The following SAMMSON variants were observed in gnomAD, a reference collection of about 807,000 sequenced individuals.
The protein encoded by SAMMSON is survival associated mitochondrial melanoma specific oncogenic non-coding RNA.
chr3:70,247,119 G>T (rs554815052), intron 4 of SAMMSON, among the ~76,000 whole-genome samples: 1 of 151,992 alleles, frequency 6.6e-6, no homozygotes, highest in African/African-American at 2.4e-5. Flanking sequence ...ATCAATTCAT[G>T]TTGCTTGAAT....
At chr3:70,392,703 C>G (rs1008311416), downstream of SAMMSON, among the ~76,000 whole-genome samples, 1 of 152,126 alleles carries the variant, frequency 6.6e-6, no homozygotes, top group Non-Finnish European at 1.5e-5. Context: ...AGACTTAATT[C>G]TGGCATCCCC....
At chr3:70,228,246 C>T (rs1701527083) in intron 4 of SAMMSON, among the ~76,000 whole-genome samples, 1 of 151,748 alleles carries the variant, frequency 6.6e-6, no homozygotes, top group Non-Finnish European at 1.5e-5. Flanking sequence ...GCAAGCATGC[C>T]AAGATGCTGA....
intron 2 of SAMMSON, among the ~76,000 whole-genome samples, chr3:70,399,612 G>T (rs891622845): frequency 6.6e-6 from 1 of 151,870 alleles, no homozygotes; most frequent in African/African-American, 2.4e-5. Context: ...ATGCCTGTAA[G>T]CCCAGCACTT....
chr3:70,194,441 G>A (rs550158020), intron 4 of SAMMSON, among the ~76,000 whole-genome samples: 1 of 152,228 alleles, frequency 6.6e-6, no homozygotes, highest in African/African-American at 2.4e-5. Flanking sequence ...AGCTGCGTAT[G>A]TTTTATTGTG....
intron 9 of SAMMSON, among the ~76,000 whole-genome samples, chr3:70,366,841 T>C (rs559379828): frequency 1.6e-3 from 250 of 151,862 alleles, no homozygotes; most frequent in Non-Finnish European, 3.0e-3. Flanking sequence ...GGAATTGTGC[T>C]CCTATTATAT....
intron 9 of SAMMSON, among the ~76,000 whole-genome samples, chr3:70,389,116 A>G (rs1701020267): frequency 6.6e-6 from 1 of 152,026 alleles, no homozygotes; most frequent in African/African-American, 2.4e-5. Context: ...TTCTTCCATG[A>G]GTTGAAGCAG....
intron 4 of SAMMSON, among the ~76,000 whole-genome samples, chr3:70,091,992 A>G (rs1051068954): frequency 7.2e-5 from 11 of 151,930 alleles, no homozygotes; most frequent in African/African-American, 1.7e-4. Flanking sequence ...GTTTTGTTTT[A>G]TTTTTTAATT....
intron 4 of SAMMSON, among the ~76,000 whole-genome samples, chr3:70,088,645 C>T (rs562624504): frequency 7.2e-5 from 11 of 152,294 alleles, no homozygotes; most frequent in Admixed American, 3.9e-4. Flanking sequence ...GAGCTATCGT[C>T]ATTCAGTAAC....
At chr3:70,176,514 T>A (rs1701011598) in intron 4 of SAMMSON, among the ~76,000 whole-genome samples, 1 of 152,190 alleles carries the variant, frequency 6.6e-6, no homozygotes, top group African/African-American at 2.4e-5. Context: ...GAATTTTCTT[T>A]CTTTTCCAAT....
At chr3:70,059,390 T>A (rs1222443737) in intron 3 of SAMMSON, among the ~76,000 whole-genome samples, 1 of 151,570 alleles carries the variant, frequency 6.6e-6, no homozygotes. Flanking sequence ...ATTATGGGAG[T>A]TGAGAATTCC....
chr3:69,999,761 T>G (rs148964528), upstream of SAMMSON: 1 of 152,302 alleles, frequency 6.6e-6, no homozygotes, highest in Non-Finnish European at 1.5e-5. Flanking sequence ...CGCTAGACAT[T>G]TGAGGAACAC....
chr3:70,234,142 A>G (rs1701587126), intron 4 of SAMMSON, among the ~76,000 whole-genome samples: 1 of 152,242 alleles, frequency 6.6e-6, no homozygotes, highest in Non-Finnish European at 1.5e-5. Context: ...TCTGAGTGGG[A>G]TGTGGACAAC....
intron 9 of SAMMSON, among the ~76,000 whole-genome samples, chr3:70,380,507 T>C (rs1703056151): frequency 6.6e-6 from 1 of 152,176 alleles, no homozygotes; most frequent in Non-Finnish European, 1.5e-5. Flanking sequence ...GTTCAGAATG[T>C]GGTCTCTAAA....
intron 1 of SAMMSON, among the ~76,000 whole-genome samples, chr3:70,000,085 T>TAGAGG (rs1236147406): frequency 6.6e-6 from 1 of 152,020 alleles, no homozygotes; most frequent in African/African-American, 2.4e-5. Context: ...TGCGATAAGG[T>TAGAGG]AGAGGGTCCA....
intron 6 of SAMMSON, among the ~76,000 whole-genome samples, chr3:70,280,948 C>G (rs1189378373): frequency 6.6e-6 from 1 of 152,092 alleles, no homozygotes; most frequent in South Asian, 2.1e-4. Flanking sequence ...CATATCATAC[C>G]CTTTTTGTGT....
intron 3 of SAMMSON, among the ~76,000 whole-genome samples, chr3:70,019,676 A>C (rs1343682930): frequency 1.3e-5 from 2 of 152,176 alleles, no homozygotes; most frequent in African/African-American, 4.8e-5. Context: ...TCTTCCTAGC[A>C]TCGACGGTCT....
chr3:70,415,650 G>C, intron 2 of SAMMSON, among the ~76,000 whole-genome samples: 1 of 152,266 alleles, frequency 6.6e-6, no homozygotes, highest in African/African-American at 2.4e-5. Flanking sequence ...ATTGTCAGGT[G>C]AGGTCAATCT....
intron 4 of SAMMSON, among the ~76,000 whole-genome samples, chr3:70,188,460 G>C (rs1278145923): frequency 6.6e-6 from 1 of 152,148 alleles, no homozygotes; most frequent in Non-Finnish European, 1.5e-5. Flanking sequence ...AAAGTGTGTG[G>C]TATCTAAGAG....
At chr3:70,383,121 T>TAAATAATTAAATCATAAATAAATTAAATC (rs1703087360) in intron 9 of SAMMSON, among the ~76,000 whole-genome samples, 1 of 152,108 alleles carries the variant, frequency 6.6e-6, no homozygotes, top group Admixed American at 6.6e-5. Context: ...AATCCCAAAG[T>TAAATAATTAAATCATAAATAAATTAAATC]ATAAATCTCT....
Sources: gnomAD v4.1 joint callset for allele counts (sites outside exome capture counted in the v4.1 genomes callset) on GRCh38, gnomAD v4.1.1 for gene constraint, MANE v1.5 for transcripts, NCBI Gene and HGNC (gene_info 2026-07-23, HGNC 2026-07-21) for gene names.